The following CSMD1 variants were observed in gnomAD, a reference collection of about 807,000 sequenced individuals.
CSMD1 encodes CUB and Sushi multiple domains 1, also known as CUB and sushi domain-containing protein 1.
Under a neutral mutation model 417.5 loss-of-function variants are expected in CSMD1, and 213 were observed. The ratio of observed to expected loss-of-function variants is 0.51; its 90% CI spans 0.46 to 0.57. The LOEUF is 0.57. CSMD1 is among the 20% of genes least tolerant of loss of function. The pLI, the probability that CSMD1 is intolerant of heterozygous loss-of-function variation, is 0.00. For synonymous variants in CSMD1, 2,862 were observed against 1,736.8 expected (o/e 1.65, Z -16.11); for missense variants, 6,923 against 4,529.7 (o/e 1.53, Z -15.17).
At chr8:3,484,391 AC>A (rs1466885389) in intron 11 of CSMD1, among the ~76,000 whole-genome samples, 2 of 152,242 alleles carry the variant, frequency 1.3e-5, no homozygotes, top group Non-Finnish European at 2.9e-5. Flanking sequence ...TGCCAGGCAA[AC>A]CGTGAACCTC....
intron 1 of CSMD1, among the ~76,000 whole-genome samples, chr8:4,639,411 C>A (rs1803059505): frequency 6.6e-6 from 1 of 152,224 alleles, no homozygotes; most frequent in South Asian, 2.1e-4. Context: ...GCTCATGTAC[C>A]CTGTAAATAT....
chr8:3,785,326 T>A (rs909143277), intron 5 of CSMD1, among the ~76,000 whole-genome samples: 1 of 152,196 alleles, frequency 6.6e-6, no homozygotes, highest in Non-Finnish European at 1.5e-5. Context: ...GGAAAATAAA[T>A]GCCCCGGGCA....
intron 3 of CSMD1, among the ~76,000 whole-genome samples, chr8:4,315,828 G>T (rs140038569): frequency 6.6e-6 from 1 of 151,904 alleles, no homozygotes; most frequent in African/African-American, 2.4e-5. Context: ...CTTCAGAAGC[G>T]TTTTCAAAAA....
At position 4,400,092 on chromosome 8, in the gene CSMD1, G is replaced by C. The variant is rs1032416274; in HGVS notation, c.415+19861C>G. On this transcript the variant is annotated intron_variant, in intron 3 of 69. Transcript: ENST00000635120. ...TGCCAAAAGAGAGATCTAAATACGA[G>C]TACATTAAAATAGTGTATACTCTCT... Among the ~76,000 whole-genome samples, 4 of 152,078 alleles carry C rather than the reference G, an allele frequency of 2.6e-5. No individual in the cohort carries two copies. In the East Asian group the frequency reaches 7.7e-4, roughly 29 times the overall value.
chr8:3,293,231 G>T (rs1053225904), intron 25 of CSMD1, among the ~76,000 whole-genome samples: 30 of 151,976 alleles, frequency 2.0e-4, no homozygotes, highest in African/African-American at 6.5e-4. Context: ...GTGGGTAACC[G>T]GACCTTTCTC....
chr8:4,562,656 T>G (rs1798398754), intron 2 of CSMD1, among the ~76,000 whole-genome samples: 1 of 152,100 alleles, frequency 6.6e-6, no homozygotes, highest in South Asian at 2.1e-4. Flanking sequence ...TCTATGGAGA[T>G]CCAACTCAAG....
chr8:3,820,863 T>C (rs9694077), intron 5 of CSMD1, among the ~76,000 whole-genome samples: 36,511 of 151,964 alleles, frequency 0.24, 6,038 homozygotes, highest in African/African-American at 0.47. Flanking sequence ...GGATTATAGG[T>C]CACAATGCCT....
At chr8:3,581,255 A>G (rs896425417) in intron 9 of CSMD1, among the ~76,000 whole-genome samples, 1 of 152,222 alleles carries the variant, frequency 6.6e-6, no homozygotes, top group African/African-American at 2.4e-5. Flanking sequence ...CCAGTTAAAG[A>G]TACTCATACA....
At chr8:3,158,473 AT>A (rs1006591552) in intron 38 of CSMD1, among the ~76,000 whole-genome samples, 1 of 152,130 alleles carries the variant, frequency 6.6e-6, no homozygotes, top group Non-Finnish European at 1.5e-5. Flanking sequence ...TCGTTTCTTT[AT>A]CACAGAACGG....
chr8:3,144,456 G>T (rs1364590207), intron 40 of CSMD1, among the ~76,000 whole-genome samples: 1 of 152,026 alleles, frequency 6.6e-6, no homozygotes, highest in Non-Finnish European at 1.5e-5. Context: ...GAAAAAGAAA[G>T]ATCTTTAATA....
At chr8:4,883,989 A>C (rs1486569945) in intron 1 of CSMD1, among the ~76,000 whole-genome samples, 1 of 151,922 alleles carries the variant, frequency 6.6e-6, no homozygotes, top group African/African-American at 2.4e-5. Context: ...ATCCTCTACA[A>C]TACTTGCTAT....
intron 1 of CSMD1, among the ~76,000 whole-genome samples, chr8:4,717,685 C>T (rs17071110): frequency 0.18 from 27,738 of 151,526 alleles, 3,935 homozygotes; most frequent in African/African-American, 0.4. Flanking sequence ...ACTGTGATTC[C>T]GAAGAGGCTG....
At chr8:3,387,746 C>T in intron 17 of CSMD1, 64 bp from the exon 18 acceptor site, 1 of 1,317,344 alleles carries the variant, frequency 7.6e-7, no homozygotes, top group Non-Finnish European at 1.0e-6. Flanking sequence ...TAATAGAGAC[C>T]CACGCCATCA....
intron 10 of CSMD1, among the ~76,000 whole-genome samples, chr8:3,517,573 G>A (rs1797333556): frequency 1.3e-5 from 2 of 152,164 alleles, no homozygotes; most frequent in Admixed American, 6.5e-5. Flanking sequence ...CCACACTGCT[G>A]TCCTCTGCAA....
chr8:4,130,701 G>A (rs949619981), intron 3 of CSMD1, among the ~76,000 whole-genome samples: 6 of 148,886 alleles, frequency 4.0e-5, no homozygotes, highest in South Asian at 2.1e-4. Context: ...TTTTGGAGGG[G>A]AGTAGATAAC....
intron 8 of CSMD1, among the ~76,000 whole-genome samples, chr8:3,604,642 C>G (rs140902448): frequency 6.6e-6 from 1 of 151,898 alleles, no homozygotes; most frequent in Admixed American, 6.6e-5. Context: ...ATCAAAGGAG[C>G]CAAAAAGCAG....
At chr8:4,797,054 C>T (rs1429711258) in intron 1 of CSMD1, among the ~76,000 whole-genome samples, 2 of 152,070 alleles carry the variant, frequency 1.3e-5, no homozygotes, top group Non-Finnish European at 2.9e-5. Flanking sequence ...AAGAGAGAAG[C>T]AACAGATTCT....
At chr8:3,926,100 C>T (rs1395790461) in intron 5 of CSMD1, among the ~76,000 whole-genome samples, 1 of 75,288 alleles carries the variant, frequency 1.3e-5, no homozygotes, top group African/African-American at 5.3e-5. Flanking sequence ...CACACACACA[C>T]ACACACACAC....
intron 37 of CSMD1, among the ~76,000 whole-genome samples, chr8:3,169,976 A>C (rs990889969): frequency 6.6e-6 from 1 of 152,122 alleles, no homozygotes; most frequent in African/African-American, 2.4e-5. Context: ...AAGAAAGTTT[A>C]AATGTTTAGC....
Sources: allele counts gnomAD v4.1 joint callset (sites outside exome capture counted in the v4.1 genomes callset), GRCh38; gene constraint gnomAD v4.1.1; transcripts MANE v1.5; gene names NCBI Gene and HGNC (gene_info 2026-07-23, HGNC 2026-07-21).